Variants in ATP8A1 observed in about 807,000 individuals in gnomAD.
ATP8A1 encodes phospholipid-transporting ATPase IA.
Under a neutral mutation model 177.7 loss-of-function variants are expected in ATP8A1, and 90 were observed. The observed-to-expected ratio is 0.51, with a 90% CI of 0.43 to 0.60. ATP8A1 has a LOEUF of 0.60. ATP8A1 is among the 20% of genes least tolerant of loss of function. The probability of loss-of-function intolerance (pLI) is 0.00; values close to 1 mark genes in which losing one functional copy is unlikely to be tolerated. For missense variants in ATP8A1, 1,072 were observed against 1,392.8 expected (o/e 0.77, Z 3.67); for synonymous variants, 493 against 485.9 (o/e 1.01, Z -0.19).
At chr4:42,633,403 T>G (rs1177912550) in intron 1 of ATP8A1, among the ~76,000 whole-genome samples, 2 of 152,232 alleles carry the variant, frequency 1.3e-5, no homozygotes, top group Non-Finnish European at 2.9e-5. Context: ...CATGATCTAA[T>G]AAGACCTGTT....
At chr4:42,590,641 T>C (rs922156) in intron 7 of ATP8A1, among the ~76,000 whole-genome samples, 170 bp downstream of exon 7, 86,793 of 151,822 alleles carry the variant, frequency 0.57, 24,965 homozygotes, top group South Asian at 0.67. Context: ...GTCAACATAG[T>C]ATTCAAAAAT....
chr4:42,564,382 C>T (rs1386918465), intron 15 of ATP8A1, among the ~76,000 whole-genome samples: 2 of 152,182 alleles, frequency 1.3e-5, no homozygotes, highest in Admixed American at 1.3e-4. Flanking sequence ...CACTCAATGA[C>T]AGCCTGTGAA....
chr4:42,531,427 A>G (rs1399494899), intron 20 of ATP8A1, among the ~76,000 whole-genome samples: 1 of 152,246 alleles, frequency 6.6e-6, no homozygotes, highest in Non-Finnish European at 1.5e-5. Flanking sequence ...TGTAACTGTC[A>G]TGAGTATTTC....
intron 1 of ATP8A1, among the ~76,000 whole-genome samples, chr4:42,649,941 C>T (rs1178111999): frequency 2.0e-5 from 3 of 152,124 alleles, no homozygotes; most frequent in African/African-American, 7.2e-5. Flanking sequence ...CCTTAGGGAG[C>T]TTACTACCCG....
intron 22 of ATP8A1, among the ~76,000 whole-genome samples, chr4:42,507,803 A>AC (rs1560402980): frequency 1.4e-5 from 2 of 146,780 alleles, no homozygotes; most frequent in Middle Eastern, 3.5e-3. Context: ...AAAAAAAAAA[A>AC]AAAAAACATA....
rs1268594994 is a variant in ATP8A1 at position 42,636,136 on chromosome 4, A to G, written c.50-9027T>C. Among the ~76,000 whole-genome samples, 345 of 39,736 alleles carry G rather than the reference A, an allele frequency of 8.7e-3. 1 individual carries two copies. Among genetic ancestry groups the G allele is most frequent in the African/African-American group, 0.022 (315 of 14,548 alleles). The allele number at this position is 39,736 out of a possible 152,430, so 26.1% of individuals were successfully genotyped here. A position where few individuals can be genotyped will look rare whatever the true frequency, so the allele number is the denominator to read the frequency against. ...GGGCTTAATACACACACACACACAC[A>G]CACACACACACACACACACACGCAC... On this transcript the variant is annotated intron_variant, in intron 1 of 36. Coordinates refer to ENST00000381668, the MANE Select transcript of ATP8A1 (RefSeq NM_006095.2).
At chr4:42,517,936 T>A (rs1469532879) in intron 22 of ATP8A1, among the ~76,000 whole-genome samples, 1 of 152,174 alleles carries the variant, frequency 6.6e-6, no homozygotes, top group Non-Finnish European at 1.5e-5. Flanking sequence ...CCCATAGTGT[T>A]CCCCAAGAGT....
At chr4:42,559,487 G>T (rs1560459897) in intron 15 of ATP8A1, among the ~76,000 whole-genome samples, 1 of 152,148 alleles carries the variant, frequency 6.6e-6, no homozygotes, top group Non-Finnish European at 1.5e-5. Flanking sequence ...TTGTGCTGTT[G>T]TAATTGTAGG....
At chr4:42,636,727 C>A (rs1739433630) in intron 1 of ATP8A1, among the ~76,000 whole-genome samples, 1 of 152,130 alleles carries the variant, frequency 6.6e-6, no homozygotes, top group African/African-American at 2.4e-5. Flanking sequence ...CTGGAAACAG[C>A]CCATTGCTTT....
intron 29 of ATP8A1, among the ~76,000 whole-genome samples, chr4:42,453,853 T>C (rs1718198665): frequency 6.6e-6 from 1 of 152,184 alleles, no homozygotes; most frequent in African/African-American, 2.4e-5. Context: ...GATCACTTTT[T>C]CAGGGGAACC....
intron 20 of ATP8A1, among the ~76,000 whole-genome samples, chr4:42,538,549 C>T (rs1728063414): frequency 6.6e-6 from 1 of 152,058 alleles, no homozygotes; most frequent in South Asian, 2.1e-4. Flanking sequence ...ACAACAAACT[C>T]AAATCAGCAA....
chr4:42,560,857 TA>T (rs753298939), intron 15 of ATP8A1, among the ~76,000 whole-genome samples: 7 of 152,084 alleles, frequency 4.6e-5, no homozygotes, highest in African/African-American at 9.7e-5. Context: ...TTTTTGCCAT[TA>T]AAAAACAATT....
chr4:42,417,443 A>G (rs1291064482), intron 35 of ATP8A1, among the ~76,000 whole-genome samples: 2 of 152,144 alleles, frequency 1.3e-5, no homozygotes, highest in East Asian at 1.9e-4. Flanking sequence ...TTACATACCA[A>G]GCTATGTAAA....
rs1553908090 is a variant in ATP8A1, at chr4:42,574,726, TC to T, written c.1207-20del. On this transcript the variant is annotated intron_variant, in intron 13 of 36. Transcript: ENST00000381668. The stretch of plus-strand genomic sequence containing the variant: ...ATTTAACCTAAAAAAGTTTAAAATT[TC>T]TCATTAATATTTTGAAAGTCTTTAT... 11 of 1,551,302 alleles carry T rather than the reference TC, an allele frequency of 7.1e-6. No homozygotes were observed. The highest frequency in any genetic ancestry group is 9.7e-6 in the Non-Finnish European group (11 of 1,139,688).
Position 42,579,939 on chromosome 4 carries a change from G to A in ATP8A1, c.874C>T (p.Arg292Trp), listed in dbSNP as rs374228770. Reference protein sequence around the residue: ...SPPLKLSNVERITNVQILILF... With the variant: ...SPPLKLSNVEWITNVQILILF... ...ATCAAAATTTGTACATTTGTAATCC[G>A]TTCCACATTTGAGAGCTTAAGTGGT... The change falls in exon 11 of 37, where the codon CGG becomes TGG. Residue 292 changes from arginine to tryptophan, a missense_variant. Transcript: ENST00000381668. 2.0e-5 allele frequency: 32 copies of A among 1,611,068 alleles called. No homozygotes were observed. Among genetic ancestry groups the A allele is most frequent in the African/African-American group, 8.0e-5 (6 of 74,792 alleles).
At chr4:42,480,613 A>C (rs1721576469) in intron 25 of ATP8A1, among the ~76,000 whole-genome samples, 1 of 152,224 alleles carries the variant, frequency 6.6e-6, no homozygotes, top group African/African-American at 2.4e-5. Flanking sequence ...AAAGCTAAAG[A>C]CAATCTCTAA....
rs550780691 is a variant in ATP8A1 at position 42,546,359 on chromosome 4, C to T, written c.1653-2373G>A. On this transcript the variant is annotated intron_variant, in intron 19 of 36. Transcript: ENST00000381668. ...AAAAACCAAACATCACATGTTCTCA[C>T]TTACAGGTGGGAATTGAACAATGAG... is the stretch of plus-strand genomic sequence containing the variant. Among the ~76,000 whole-genome samples the T allele has an allele frequency of 2.7e-5, 4 of 145,864 alleles. No individual in the cohort carries two copies. The South Asian group carries it at 8.5e-4, about 31-fold the overall frequency.
chr4:42,538,280 A>C (rs1728041640), intron 20 of ATP8A1, among the ~76,000 whole-genome samples: 1 of 152,218 alleles, frequency 6.6e-6, no homozygotes, highest in Admixed American at 6.5e-5. Context: ...AGATGGATCA[A>C]AGACTTAAAT....
At chr4:42,592,923 C>CA (rs1734338389) in intron 6 of ATP8A1, among the ~76,000 whole-genome samples, 1 of 152,108 alleles carries the variant, frequency 6.6e-6, no homozygotes, top group Non-Finnish European at 1.5e-5. Flanking sequence ...CACAAGACTT[C>CA]AAACATTCAG....
Sources: allele counts gnomAD v4.1 joint callset (sites outside exome capture counted in the v4.1 genomes callset), GRCh38; gene constraint gnomAD v4.1.1; transcripts MANE v1.5; gene names NCBI Gene and HGNC (gene_info 2026-07-23, HGNC 2026-07-21).